Variants in VOPP1 observed in about 807,000 individuals in gnomAD.
VOPP1 encodes VOPP1 WW domain binding protein.
VOPP1 carries 8 observed loss-of-function variants against 23.5 expected under a neutral mutation model. The ratio of observed to expected loss-of-function variants is 0.34; its 90% CI spans 0.20 to 0.61. The LOEUF is 0.61. VOPP1 is among the 20% of genes least tolerant of loss of function. The pLI, the probability that VOPP1 is intolerant of heterozygous loss-of-function variation, is 0.78. For synonymous variants in VOPP1, 83 were observed against 97.3 expected, an observed-to-expected ratio of 0.85 and a Z score of 0.86; for missense variants, 174 against 238.1, an observed-to-expected ratio of 0.73 and a Z score of 1.77.
At chr7:55,445,681 C>T (rs933400692) in intron 4 of VOPP1, among the ~76,000 whole-genome samples, 2 of 152,108 alleles carry the variant, frequency 1.3e-5, no homozygotes, top group Admixed American at 6.5e-5. Flanking sequence ...TGCTTCTTTC[C>T]CTCTGGTGTC....
At chr7:55,513,175 T>C (rs541823864) in intron 2 of VOPP1, among the ~76,000 whole-genome samples, 4 of 149,032 alleles carry the variant, frequency 2.7e-5, no homozygotes, top group African/African-American at 4.9e-5. Flanking sequence ...TGCCTCCTGC[T>C]GGATAAGCCC....
chr7:55,559,090 T>C (rs1425494532), intron 1 of VOPP1, among the ~76,000 whole-genome samples: 1 of 152,176 alleles, frequency 6.6e-6, no homozygotes, highest in Non-Finnish European at 1.5e-5. Flanking sequence ...GGTTTTTTAG[T>C]CTGCTCCCTC....
intron 2 of VOPP1, among the ~76,000 whole-genome samples, chr7:55,514,989 T>C (rs571262404): frequency 1.3e-5 from 2 of 152,274 alleles, no homozygotes; most frequent in South Asian, 4.1e-4. Context: ...TGTAACACAC[T>C]TGCACCTCTG....
intron 1 of VOPP1, among the ~76,000 whole-genome samples, chr7:55,559,517 T>C (rs943496969): frequency 6.6e-6 from 1 of 152,136 alleles, no homozygotes; most frequent in Non-Finnish European, 1.5e-5. Context: ...TGCCAGGAAG[T>C]GATAAAAGCA....
intron 4 of VOPP1, among the ~76,000 whole-genome samples, chr7:55,440,391 T>G (rs1003851044): frequency 1.3e-5 from 2 of 152,218 alleles, no homozygotes; most frequent in African/African-American, 4.8e-5. Flanking sequence ...ACCTTCACTC[T>G]GGGCAAGAGA....
chr7:55,468,271 GAA>G (rs747918983), downstream of VOPP1, among the ~76,000 whole-genome samples: 2 of 54,212 alleles, frequency 3.7e-5, no homozygotes, highest in Non-Finnish European at 4.0e-5. Flanking sequence ...CTTCGTCTCA[GAA>G]AAAAAAAAAA....
At chr7:55,560,790 T>G (rs1292556787) in intron 1 of VOPP1, among the ~76,000 whole-genome samples, 1 of 152,120 alleles carries the variant, frequency 6.6e-6, no homozygotes, top group Non-Finnish European at 1.5e-5. Context: ...TCCCATACCC[T>G]CACCTCACTC....
chr7:55,544,098 A>G (rs1262423118), intron 1 of VOPP1, among the ~76,000 whole-genome samples: 2 of 152,276 alleles, frequency 1.3e-5, no homozygotes, highest in African/African-American at 4.8e-5. Flanking sequence ...ACATGGCGAG[A>G]GACAGAAGTC....
chr7:55,469,766 T>A (rs139493899), downstream of VOPP1, among the ~76,000 whole-genome samples: 91 of 152,336 alleles, frequency 6.0e-4, no homozygotes, highest in African/African-American at 2.1e-3. Flanking sequence ...AGCATTAAGA[T>A]GCTTCTCAGA....
chr7:55,534,116 A>C (rs1167021300), intron 1 of VOPP1, among the ~76,000 whole-genome samples: 1 of 143,502 alleles, frequency 7.0e-6, no homozygotes, highest in East Asian at 2.1e-4. Flanking sequence ...CCGTGAAGGA[A>C]ATCATTTCAT....
chr7:55,443,329 C>A (rs1052927485), intron 4 of VOPP1, among the ~76,000 whole-genome samples: 1 of 151,732 alleles, frequency 6.6e-6, no homozygotes, highest in Non-Finnish European at 1.5e-5. Context: ...CTGATGCGGG[C>A]GGATCACAAG....
intron 4 of VOPP1, among the ~76,000 whole-genome samples, chr7:55,491,393 T>A (rs925748210): frequency 6.6e-6 from 1 of 152,246 alleles, no homozygotes; most frequent in Non-Finnish European, 1.5e-5. Flanking sequence ...ACTGACCACC[T>A]ATCCACAGTG....
chr7:55,510,570 CTTT>C (rs34545604), intron 2 of VOPP1, among the ~76,000 whole-genome samples: 4 of 119,782 alleles, frequency 3.3e-5, no homozygotes, highest in East Asian at 2.4e-4. Context: ...AGGGCACTGG[CTTT>C]TTTTTTTTTT....
chr7:55,520,875 C>T (rs1795798631), intron 2 of VOPP1, among the ~76,000 whole-genome samples, 197 bp downstream of exon 2: 1 of 152,168 alleles, frequency 6.6e-6, no homozygotes, highest in African/African-American at 2.4e-5. Flanking sequence ...TCAGGCTGTC[C>T]TCAACGTAAC....
chr7:55,539,898 T>TACAC (rs1562611943), intron 1 of VOPP1, among the ~76,000 whole-genome samples: 2 of 71,350 alleles, frequency 2.8e-5, no homozygotes, highest in African/African-American at 4.4e-5. Flanking sequence ...ACATAAGCGC[T>TACAC]GCACACACAC....
At chr7:55,497,015 C>A (rs575228725) in intron 3 of VOPP1, among the ~76,000 whole-genome samples, 7 of 152,322 alleles carry the variant, frequency 4.6e-5, no homozygotes, top group Non-Finnish European at 8.8e-5. Context: ...ATGCTCGGGG[C>A]ACTCCAGCAG....
At chr7:55,549,088 C>T (rs1363662376) in intron 1 of VOPP1, among the ~76,000 whole-genome samples, 1 of 152,172 alleles carries the variant, frequency 6.6e-6, no homozygotes, top group Non-Finnish European at 1.5e-5. Flanking sequence ...GTGAAAACAA[C>T]ACTCCAAGAG....
chr7:55,495,820 T>C (rs1428612927), intron 3 of VOPP1, among the ~76,000 whole-genome samples: 3 of 152,232 alleles, frequency 2.0e-5, no homozygotes, highest in Admixed American at 2.0e-4. Context: ...GCTCCCTGGC[T>C]ACAACGCCAG....
rs564823906 is a variant in VOPP1, at chr7:55,497,647, G to A, written c.157C>T (p.Arg53Trp). ...CACAGCCTCTGTATGGAGAGGGCCC[G>A]CACACAGCACCTGGAGCCACAGCAG... is the stretch of plus-strand genomic sequence containing the variant. Reference protein sequence around the residue: ...EDCCGSRCCVRALSIQRLWYF... With the variant: ...EDCCGSRCCVWALSIQRLWYF... Residue 53 changes from arginine to tryptophan, a missense_variant, in exon 3 of 5, where the codon CGG becomes TGG. By Grantham distance (101) the Arg-to-Trp change is moderately radical. Transcript: ENST00000285279. The A allele has an allele frequency of 3.7e-6, 6 of 1,609,730 alleles. No homozygotes were observed. In the Admixed American group the frequency reaches 5.0e-5, roughly 13 times the overall value.
Sources: gnomAD v4.1 joint callset for allele counts (sites outside exome capture counted in the v4.1 genomes callset) on GRCh38, gnomAD v4.1.1 for gene constraint, MANE v1.5 for transcripts, NCBI Gene and HGNC (gene_info 2026-07-23, HGNC 2026-07-21) for gene names.